AFF1: variants seen among roughly 807,000 people sequenced by gnomAD.
AFF1 encodes the protein ALF transcription elongation factor 1.
AFF1 carries 48 observed loss-of-function variants against 121.7 expected under a neutral mutation model. The ratio of observed to expected loss-of-function variants is 0.39; its 90% CI spans 0.31 to 0.50. The LOEUF (loss-of-function observed/expected upper bound fraction) is 0.50, where lower values mean the gene tolerates loss of function less well. Among genes scored for constraint, AFF1 ranks in the 20% least tolerant of loss-of-function variants. AFF1 has a pLI of 0.76. For missense variants in AFF1, 1,523 were observed against 1,511.7 expected (o/e 1.01, Z -0.12); for synonymous variants, 613 against 563.0 (o/e 1.09, Z -1.26).
At position 87,115,035 on chromosome 4, in the gene AFF1, C is replaced by T. The variant is rs757731500; in HGVS notation, c.2202C>T (p.Ala734=). 1.4e-5 allele frequency: 23 copies of T among 1,614,002 alleles called. No homozygotes were observed. The highest frequency in any genetic ancestry group is 5.0e-5 in the Admixed American group (3 of 60,002). ...SGSRTSGCRQ[A]VVVQEDSRKD... ...GCAGGACTAGTGGCTGCCGCCAAGC[C>T]GTGGTGGTCCAGGAGGACAGCCGCA... Residue 734 remains alanine, a synonymous_variant, in exon 12 of 21, where the codon GCC becomes GCT. Coordinates refer to ENST00000395146, the MANE Select transcript of AFF1 (RefSeq NM_001166693.3).
intron 4 of AFF1, among the ~76,000 whole-genome samples, chr4:87,081,151 A>AGTTTTTTTTTTTTTTTTTTTTTT (rs1560606159): frequency 3.0e-5 from 3 of 101,666 alleles, no homozygotes; most frequent in Non-Finnish European, 1.9e-5. Flanking sequence ...TAATGAAATG[A>AGTTTTTTTTTTTTTTTTTTTTTT]ATTTTTTTTT....
At chr4:87,075,241 C>G (rs1404665212) in intron 4 of AFF1, among the ~76,000 whole-genome samples, 2 of 151,724 alleles carry the variant, frequency 1.3e-5, no homozygotes, top group African/African-American at 2.4e-5. Context: ...GTTTTTTTAG[C>G]TTGTTTTTGC....
At chr4:86,946,731 C>T (rs961067216) in intron 1 of AFF1, among the ~76,000 whole-genome samples, 1 of 152,044 alleles carries the variant, frequency 6.6e-6, no homozygotes, top group African/African-American at 2.4e-5. Context: ...GCTCAGGATA[C>T]ATTTGTTGGT....
chr4:87,012,056 A>C (rs555971353), intron 2 of AFF1, among the ~76,000 whole-genome samples: 1 of 152,324 alleles, frequency 6.6e-6, no homozygotes, highest in African/African-American at 2.4e-5. Flanking sequence ...AGAGAAATCT[A>C]CTTTTTCATC....
At chr4:87,101,530 A>G (rs889022434) in intron 8 of AFF1, among the ~76,000 whole-genome samples, 2 of 151,922 alleles carry the variant, frequency 1.3e-5, no homozygotes, top group African/African-American at 2.4e-5. Context: ...AGTGAGCCAT[A>G]ATGGTGCCAC....
At position 87,047,143 on chromosome 4, in the gene AFF1, G is replaced by C. The variant is rs1730783109; in HGVS notation, c.608G>C (p.Arg203Thr). The C allele has an allele frequency of 6.2e-7, 1 of 1,614,076 alleles. No homozygotes were observed. The highest frequency in any genetic ancestry group is 1.1e-5 in the South Asian group (1 of 91,084). ...CASVTDSAPE[R>T]ELSPLISLPS... ...TCGGTGACAGATTCGGCTCCAGAGA[G>C]GGAGCTTTCTCCCTTAATCTCTTTG... Residue 203 changes from arginine (R) to threonine (T), a missense_variant, in exon 4 of 21, where the codon AGG (arginine) becomes ACG (threonine). By Grantham distance (71) the Arg-to-Thr change is moderately conservative. Around this residue, in one of 5 missense-constraint regions of AFF1, gnomAD observed 369 missense variants for 367.2 expected, o/e 1.00. Transcript: ENST00000395146.
chr4:87,137,555 C>G lies in AFF1; in HGVS notation c.*1854C>G, dbSNP rs1729398386. 1 of 230,684 alleles carries G rather than the reference C, an allele frequency of 4.3e-6. No homozygotes were observed. Among genetic ancestry groups the G allele is most frequent in the South Asian group, 1.8e-4 (1 of 5,518 alleles). 14.3% of individuals were successfully genotyped at this position (230,684 alleles called of 1,614,324 possible). ...CAGAGAATGACAGCTGTAGTCATAT[C>G]TGAGCATAAGACCTTGATGTGTGAT... On this transcript the variant is annotated 3_prime_UTR_variant, in exon 21 of 21. Coordinates refer to ENST00000395146, the MANE Select transcript of AFF1 (RefSeq NM_001166693.3).
intron 2 of AFF1, among the ~76,000 whole-genome samples, chr4:86,980,058 G>C (rs1217390829): frequency 6.6e-6 from 1 of 152,116 alleles, no homozygotes; most frequent in Non-Finnish European, 1.5e-5. Flanking sequence ...CTACAGGCAT[G>C]TGCCACCACA....
At chr4:87,081,152 A>ATTTTTTTTTTTTTTTTTTTTTTT (rs549510832) in intron 4 of AFF1, among the ~76,000 whole-genome samples, 1 of 89,718 alleles carries the variant, frequency 1.1e-5, no homozygotes, top group African/African-American at 4.4e-5. Context: ...AATGAAATGA[A>ATTTTTTTTTTTTTTTTTTTTTTT]TTTTTTTTTT....
chr4:87,015,699 G>T (rs1727224885), intron 2 of AFF1, among the ~76,000 whole-genome samples: 1 of 152,132 alleles, frequency 6.6e-6, no homozygotes, highest in Admixed American at 6.5e-5. Flanking sequence ...TAGCAGTCAT[G>T]TTTCTTTAAG....
intron 2 of AFF1, among the ~76,000 whole-genome samples, chr4:86,980,604 T>C (rs1258310864): frequency 6.6e-6 from 1 of 152,234 alleles, no homozygotes; most frequent in Non-Finnish European, 1.5e-5. Flanking sequence ...GAGATATTAT[T>C]TTTTAAAGTA....
intron 1 of AFF1, among the ~76,000 whole-genome samples, chr4:86,945,098 G>T (rs953454773): frequency 6.6e-6 from 1 of 152,190 alleles, no homozygotes; most frequent in Non-Finnish European, 1.5e-5. Context: ...GCTACCATGT[G>T]TCAGTGTGCT....
chr4:87,028,046 T>C (rs958341021), intron 2 of AFF1, among the ~76,000 whole-genome samples: 2 of 152,046 alleles, frequency 1.3e-5, no homozygotes, highest in Non-Finnish European at 2.9e-5. Flanking sequence ...TTAAGATTAG[T>C]AGTGCTAAAT....
intron 1 of AFF1, among the ~76,000 whole-genome samples, chr4:86,945,735 T>G (rs1720814230): frequency 6.6e-6 from 1 of 151,976 alleles, no homozygotes; most frequent in African/African-American, 2.4e-5. Context: ...TAAGCAGTCC[T>G]TCTACCTTGG....
intron 2 of AFF1, among the ~76,000 whole-genome samples, chr4:86,955,861 CT>C (rs766892597): frequency 5.3e-4 from 81 of 152,148 alleles, no homozygotes; most frequent in Non-Finnish European, 1.0e-3. Context: ...ACTGTAGCCC[CT>C]GGAAGCTCTC....
At chr4:87,084,304 C>A in intron 5 of AFF1, 140 bp downstream of exon 5, 2 of 846,146 alleles carry the variant, frequency 2.4e-6, no homozygotes, top group Non-Finnish European at 3.8e-6. Context: ...TTTGGGAGGC[C>A]AAGGTGGGCG....
chr4:87,072,685 G>A (rs1022697724), intron 4 of AFF1, among the ~76,000 whole-genome samples: 1 of 151,488 alleles, frequency 6.6e-6, no homozygotes, highest in African/African-American at 2.4e-5. Flanking sequence ...CCACCACCAC[G>A]CCTGGCTGAT....
intron 2 of AFF1, among the ~76,000 whole-genome samples, chr4:87,005,463 G>A (rs1726032602): frequency 6.6e-6 from 1 of 152,146 alleles, no homozygotes; most frequent in Admixed American, 6.5e-5. Context: ...TTTCATCATT[G>A]GCAATAAGTA....
chr4:87,052,444 A>T lies in AFF1; in HGVS notation c.1059+4850A>T, dbSNP rs116167119. Among the ~76,000 whole-genome samples the T allele has an allele frequency of 2.0e-3, 302 of 152,010 alleles. 3 individuals carry two copies. Among genetic ancestry groups the T allele is most frequent in the African/African-American group, 7.1e-3 (295 of 41,446 alleles). Reference sequence around the variant, plus strand: ...CCTCCTCCCCCCACACCACCACCCAAAATAAACAGAAATGAGGGGAGTATG... The same window carrying T: ...CCTCCTCCCCCCACACCACCACCCATAATAAACAGAAATGAGGGGAGTATG... On this transcript the variant is annotated intron_variant, in intron 4 of 20. Transcript: ENST00000395146.
Sources: gnomAD v4.1 joint callset for allele counts (sites outside exome capture counted in the v4.1 genomes callset) on GRCh38, gnomAD v4.1.1 for gene constraint, gnomAD v4.1.1 regional missense constraint, MANE v1.5 for transcripts, NCBI Gene and HGNC (gene_info 2026-07-23, HGNC 2026-07-21) for gene names.